The following SLX4IP variants were observed in gnomAD, a reference collection of about 807,000 sequenced individuals.
The protein encoded by SLX4IP is protein SLX4IP.
In SLX4IP, 34 loss-of-function variants were observed where a neutral mutation model predicts 32.9. The ratio of observed to expected loss-of-function variants is 1.03; its 90% CI spans 0.79 to 1.38. SLX4IP has a LOEUF of 1.38. SLX4IP is among the 40% of genes most tolerant of loss of function. The pLI, the probability that SLX4IP is intolerant of heterozygous loss-of-function variation, is 0.00. For missense variants in SLX4IP, 444 were observed against 479.0 expected (o/e 0.93, Z 0.68); for synonymous variants, 172 against 171.7 (o/e 1.00, Z -0.01).
intron 4 of SLX4IP, among the ~76,000 whole-genome samples, chr20:10,582,503 G>T (rs999762661): frequency 1.3e-5 from 2 of 152,110 alleles, no homozygotes; most frequent in Admixed American, 6.6e-5. Context: ...TTTATTGAAT[G>T]GTGCACTTTC....
intron 6 of SLX4IP, among the ~76,000 whole-genome samples, chr20:10,619,217 CTTT>C (rs59741153): frequency 7.9e-6 from 1 of 126,640 alleles, no homozygotes. Context: ...CTTTTTTTTT[CTTT>C]TTTTTTTTTT....
chr20:10,577,146 G>C (rs926376695), intron 4 of SLX4IP, among the ~76,000 whole-genome samples: 6 of 152,054 alleles, frequency 3.9e-5, no homozygotes, highest in Non-Finnish European at 8.8e-5. Context: ...AAATAAAACA[G>C]CTTCTTGGTT....
intron 4 of SLX4IP, among the ~76,000 whole-genome samples, chr20:10,598,405 A>T (rs1193159123): frequency 6.6e-6 from 1 of 152,212 alleles, no homozygotes; most frequent in Non-Finnish European, 1.5e-5. Context: ...CTGGGATTAC[A>T]GGTGCCCGCC....
intron 2 of SLX4IP, among the ~76,000 whole-genome samples, chr20:10,476,504 A>G (rs571075697): frequency 6.6e-6 from 1 of 152,316 alleles, no homozygotes; most frequent in East Asian, 1.9e-4. Context: ...CCAACAGCTG[A>G]TAAAATGATT....
chr20:10,579,638 C>A (rs2066561190), intron 4 of SLX4IP, among the ~76,000 whole-genome samples: 1 of 152,084 alleles, frequency 6.6e-6, no homozygotes, highest in Admixed American at 6.6e-5. Flanking sequence ...GTTGGCCAAG[C>A]TGGTCTCGAA....
At chr20:10,557,725 T>G (rs1391465530) in intron 3 of SLX4IP, among the ~76,000 whole-genome samples, 1 of 152,194 alleles carries the variant, frequency 6.6e-6, no homozygotes, top group Non-Finnish European at 1.5e-5. Context: ...AGACCTTTCT[T>G]GTTAATATTG....
intron 2 of SLX4IP, among the ~76,000 whole-genome samples, chr20:10,515,843 G>T (rs1380872671): frequency 6.6e-6 from 1 of 152,168 alleles, no homozygotes; most frequent in African/African-American, 2.4e-5. Context: ...ACCTGATTTT[G>T]CTGTGTGAGA....
intron 2 of SLX4IP, among the ~76,000 whole-genome samples, chr20:10,467,469 T>G (rs1467548986): frequency 2.6e-5 from 4 of 152,234 alleles, no homozygotes; most frequent in Non-Finnish European, 4.4e-5. Context: ...GAAGTACCTC[T>G]ATATTTCTTC....
intron 2 of SLX4IP, among the ~76,000 whole-genome samples, chr20:10,512,769 A>G (rs1449793610): frequency 2.2e-5 from 1 of 46,390 alleles, no homozygotes; most frequent in Non-Finnish European, 3.9e-5. Context: ...ATATATACAC[A>G]CACACACTCT....
At chr20:10,570,487 G>A (rs2066449294) in intron 4 of SLX4IP, among the ~76,000 whole-genome samples, 1 of 152,032 alleles carries the variant, frequency 6.6e-6, no homozygotes, top group South Asian at 2.1e-4. Flanking sequence ...TGGGCATCGT[G>A]TACCAAGGTG....
chr20:10,513,388 G>A (rs949794346), intron 2 of SLX4IP, among the ~76,000 whole-genome samples: 1 of 152,186 alleles, frequency 6.6e-6, no homozygotes, highest in African/African-American at 2.4e-5. Context: ...TTGAACAGGT[G>A]TGAAATAATT....
chr20:10,616,561 C>G (rs1245573090), intron 6 of SLX4IP, among the ~76,000 whole-genome samples: 2 of 152,188 alleles, frequency 1.3e-5, no homozygotes, highest in African/African-American at 2.4e-5. Context: ...ACACACCCCT[C>G]TTTCCTGCTT....
At chr20:10,619,207 C>CTTTTTTTTTTTTTTTTTTTTTTT (rs895955485) in intron 6 of SLX4IP, among the ~76,000 whole-genome samples, 1 of 142,568 alleles carries the variant, frequency 7.0e-6, no homozygotes, top group Non-Finnish European at 1.5e-5. Context: ...TTTTTCTTTT[C>CTTTTTTTTTTTTTTTTTTTTTTT]TTTTTTTTTC....
At chr20:10,491,250 A>T (rs2065620885) in intron 2 of SLX4IP, among the ~76,000 whole-genome samples, 1 of 152,350 alleles carries the variant, frequency 6.6e-6, no homozygotes, top group South Asian at 2.1e-4. Flanking sequence ...TTTGCCAAAC[A>T]TAATACCCAT....
At chr20:10,499,945 A>G (rs76725445) in intron 2 of SLX4IP, among the ~76,000 whole-genome samples, 4,350 of 152,194 alleles carry the variant, frequency 0.029, 107 homozygotes, top group Admixed American at 0.097. Flanking sequence ...AGTTGGAAAA[A>G]GAAAAGCTGT....
At chr20:10,527,962 C>A (rs1229628776) in intron 2 of SLX4IP, among the ~76,000 whole-genome samples, 1 of 152,124 alleles carries the variant, frequency 6.6e-6, no homozygotes, top group Non-Finnish European at 1.5e-5. Flanking sequence ...ACATAACCCC[C>A]AGCCTGTCTT....
chr20:10,567,737 A>G (rs1487223717), intron 4 of SLX4IP, among the ~76,000 whole-genome samples: 1 of 152,136 alleles, frequency 6.6e-6, no homozygotes, highest in Non-Finnish European at 1.5e-5. Context: ...ACTATTAACC[A>G]CTGCCAGTGA....
chr20:10,509,605 C>T (rs749756839), intron 2 of SLX4IP, among the ~76,000 whole-genome samples: 2 of 151,922 alleles, frequency 1.3e-5, no homozygotes, highest in Admixed American at 1.3e-4. Flanking sequence ...ACTATGTGGA[C>T]GAAGATCCAT....
intron 3 of SLX4IP, among the ~76,000 whole-genome samples, chr20:10,557,726 G>A (rs1372069363): frequency 6.6e-6 from 1 of 152,162 alleles, no homozygotes; most frequent in African/African-American, 2.4e-5. Context: ...GACCTTTCTT[G>A]TTAATATTGA....
Sources: gnomAD v4.1 joint callset for allele counts (sites outside exome capture counted in the v4.1 genomes callset) on GRCh38, gnomAD v4.1.1 for gene constraint, MANE v1.5 for transcripts, NCBI Gene and HGNC (gene_info 2026-07-23, HGNC 2026-07-21) for gene names.